RBCK1: variants seen among roughly 807,000 people sequenced by gnomAD.
RBCK1 encodes RANBP2-type and C3HC4-type zinc finger containing 1, also known as ranBP-type and C3HC4-type zinc finger-containing protein 1.
RBCK1 carries 44 observed loss-of-function variants against 71.1 expected under a neutral mutation model. The observed-to-expected ratio is 0.62, with a 90% CI of 0.49 to 0.80. The LOEUF is 0.80. RBCK1 is among the 30% of genes least tolerant of loss of function. The pLI is 0.00. For synonymous variants in RBCK1, 306 were observed against 279.7 expected (o/e 1.09, Z -0.94); for missense variants, 569 against 685.0 (o/e 0.83, Z 1.89).
intron 1 of RBCK1, 127 bp from the exon 2 acceptor site, chr20:409,754 C>T (rs182484272): frequency 2.5e-5 from 36 of 1,414,682 alleles, no homozygotes; most frequent in East Asian, 4.6e-5. Flanking sequence ...CTGAAGGATA[C>T]GTAGGAGTTC....
At chr20:410,785 T>A in intron 2 of RBCK1, 1 of 461,182 alleles carries the variant, frequency 2.2e-6, no homozygotes, top group Non-Finnish European at 3.9e-6. Context: ...GCTTTTTCAT[T>A]ACTGGATAGT....
chr20:413,004 G>C (rs6037593), intron 2 of RBCK1, among the ~76,000 whole-genome samples: 2 of 152,084 alleles, frequency 1.3e-5, no homozygotes, highest in Non-Finnish European at 1.5e-5. Flanking sequence ...TCTTTTGCAC[G>C]TGGATATTGA....
chr20:410,418 C>G, intron 2 of RBCK1: 1 of 779,692 alleles, frequency 1.3e-6, no homozygotes, highest in Non-Finnish European at 2.4e-6. Context: ...CCAGATTCCT[C>G]ATGGTGCAAA....
intron 11 of RBCK1, among the ~76,000 whole-genome samples, 190 bp downstream of exon 11, chr20:429,284 T>C (rs972800728): frequency 6.0e-4 from 91 of 151,420 alleles, no homozygotes; most frequent in Non-Finnish European, 4.9e-4. Flanking sequence ...TGGAGTGCAA[T>C]AGCACAATCT....
chr20:418,480 T>C (rs921921141), intron 4 of RBCK1, among the ~76,000 whole-genome samples: 39 of 152,320 alleles, frequency 2.6e-4, no homozygotes, highest in Admixed American at 1.8e-3. Context: ...GCCATTCTCC[T>C]GCCTCAGCCT....
rs1291254052 is a variant in RBCK1 at position 428,174 on chromosome 20, C to CA, written c.1210-316dup. Among the ~76,000 whole-genome samples, 1 of 152,206 alleles carries CA rather than the reference C, an allele frequency of 6.6e-6. No individual in the cohort carries two copies. The highest frequency in any genetic ancestry group is 1.5e-5 in the Non-Finnish European group (1 of 68,030). Reference sequence around the variant, plus strand: ...GGCCCTTGTTAGGGATGCAGGGTCTCACCCTAGGGGTATAAGGGATTTCTG... The same window carrying CA: ...GGCCCTTGTTAGGGATGCAGGGTCTCAACCCTAGGGGTATAAGGGATTTCTG... On this transcript the variant is annotated intron_variant, in intron 9 of 11. Coordinates refer to ENST00000356286, the MANE Select transcript of RBCK1 (RefSeq NM_031229.4). The surrounding 1 kb of genome is among the most constrained non-coding windows in gnomAD (Gnocchi z 5.7).
At chr20:418,331 G>T (rs971079697) in intron 4 of RBCK1, among the ~76,000 whole-genome samples, 1 of 151,894 alleles carries the variant, frequency 6.6e-6, no homozygotes, top group Admixed American at 6.6e-5. Context: ...AGTACATAAA[G>T]AATTCCCATG....
chr20:422,327 C>CTTTT lies in RBCK1; in HGVS notation c.1029+98_1029+101dup. 1.1e-6 allele frequency: 1 copy of CTTTT among 879,544 alleles called. No individual in the cohort carries two copies. The highest frequency in any genetic ancestry group is 1.7e-6 in the Non-Finnish European group (1 of 583,244). The allele number at this position is 879,544 out of a possible 1,614,324, so 54.5% of individuals were successfully genotyped here. A position where few individuals can be genotyped will look rare whatever the true frequency, so the allele number is the denominator to read the frequency against. ...GGCAGCAGACATCTTTCTTTTCTTT[C>CTTTT]TTTTTTTTTTTTGGAGATGGGGTCT... On this transcript the variant is annotated intron_variant, in intron 8 of 11. Transcript: ENST00000356286. The surrounding 1 kb of genome is among the most constrained non-coding windows in gnomAD (Gnocchi z 5.0).
In RBCK1 at chr20:431,513, T is replaced by C. The variant is rs149212578; in HGVS notation, c.*1083T>C. Reference sequence around the variant, plus strand: ...TCTGTGACCCACCCTCCTTCCCCTTTTGAGATCTGGTATTTGATGCCCAAC... The same window carrying C: ...TCTGTGACCCACCCTCCTTCCCCTTCTGAGATCTGGTATTTGATGCCCAAC... On this transcript the variant is annotated 3_prime_UTR_variant, in exon 12 of 12. Coordinates refer to ENST00000356286, the MANE Select transcript of RBCK1 (RefSeq NM_031229.4). This position sits in a 1 kb window ranked among gnomAD's most constrained non-coding sequence, Gnocchi z 4.8. Among the ~76,000 whole-genome samples the C allele has an allele frequency of 1.5e-4, 23 of 152,296 alleles. No homozygotes were observed. The East Asian group carries it at 4.1e-3, about 27-fold the overall frequency.
intron 8 of RBCK1, among the ~76,000 whole-genome samples, chr20:426,968 G>A (rs958582643): frequency 1.3e-5 from 2 of 151,054 alleles, no homozygotes; most frequent in Non-Finnish European, 2.9e-5. Flanking sequence ...TGGGACTACA[G>A]GTGTGAGCAC....
At position 428,706 on chromosome 20, in the gene RBCK1, C is replaced by T. The variant is rs546060934; in HGVS notation, c.1308+117C>T. The T allele has an allele frequency of 3.7e-6, 5 of 1,352,912 alleles. No homozygotes were observed. The South Asian group carries it at 6.1e-5, about 17-fold the overall frequency. 83.8% of individuals were successfully genotyped at this position (1,352,912 alleles called of 1,614,324 possible). ...ATCCCTGGAGGCTCTGACCTCCCTT[C>T]TGGCTGTCACTCCCATCCGGAGGTG... is the stretch of plus-strand genomic sequence containing the variant. On this transcript the variant is annotated intron_variant, in intron 10 of 11. Transcript: ENST00000356286. The surrounding 1 kb of genome is among the most constrained non-coding windows in gnomAD (Gnocchi z 5.7).
chr20:422,344 A>G lies in RBCK1; in HGVS notation c.1029+106A>G, dbSNP rs1431388846. Reference sequence around the variant, plus strand: ...TTTTCTTTCTTTTTTTTTTTTGGAGATGGGGTCTCACTATGTTGTCCAAGC... The same window carrying G: ...TTTTCTTTCTTTTTTTTTTTTGGAGGTGGGGTCTCACTATGTTGTCCAAGC... On this transcript the variant is annotated intron_variant, in intron 8 of 11. Coordinates refer to ENST00000356286, the MANE Select transcript of RBCK1 (RefSeq NM_031229.4). This position sits in a 1 kb window ranked among gnomAD's most constrained non-coding sequence, Gnocchi z 5.0. The G allele has an allele frequency of 1.1e-6, 1 of 874,142 alleles. No homozygotes were observed. The allele number at this position is 874,142 out of a possible 1,614,324, so 54.1% of individuals were successfully genotyped here. A position where few individuals can be genotyped will look rare whatever the true frequency, so the allele number is the denominator to read the frequency against.
intron 2 of RBCK1, among the ~76,000 whole-genome samples, chr20:412,195 C>A (rs900527580): frequency 4.6e-5 from 7 of 152,192 alleles, no homozygotes; most frequent in African/African-American, 1.7e-4. Context: ...GAAGAGGTAT[C>A]TCACTGTGGT....
chr20:408,653 G>C lies in RBCK1; in HGVS notation c.-105G>C. 2 of 1,488,868 alleles carry C rather than the reference G, an allele frequency of 1.3e-6. No homozygotes were observed. The highest frequency in any genetic ancestry group is 1.2e-5 in the South Asian group (1 of 83,360). The allele number at this position is 1,488,868 out of a possible 1,614,324, so 92.2% of individuals were successfully genotyped here. A position where few individuals can be genotyped will look rare whatever the true frequency, so the allele number is the denominator to read the frequency against. ...CTTGGGCCGCGCCGGAGGCCACACG[G>C]CCTGGCTGAGTTGCTCCTGGTCTCC... On this transcript the variant is annotated 5_prime_UTR_variant, in exon 1 of 12. Transcript: ENST00000356286.
intron 2 of RBCK1, chr20:410,537 C>G (rs764429530): frequency 3.8e-6 from 3 of 779,760 alleles, no homozygotes; most frequent in East Asian, 4.8e-5. Flanking sequence ...ACACTTCTTC[C>G]GTTAATTCCT....
chr20:424,531 A>G (rs1469278900), intron 8 of RBCK1, among the ~76,000 whole-genome samples: 1 of 151,920 alleles, frequency 6.6e-6, no homozygotes, highest in African/African-American at 2.4e-5. Context: ...CCCTGGGGAA[A>G]AGGGGGAGGC....
chr20:429,375 C>T (rs953491554), intron 11 of RBCK1, among the ~76,000 whole-genome samples: 3 of 152,024 alleles, frequency 2.0e-5, no homozygotes, highest in Admixed American at 1.3e-4. Flanking sequence ...TACAGGCATG[C>T]GCCACCACGC....
chr20:428,608 C>G lies in RBCK1; in HGVS notation c.1308+19C>G, dbSNP rs554956050. The G allele has an allele frequency of 1.9e-6, 3 of 1,593,092 alleles. No homozygotes were observed. Among genetic ancestry groups the G allele is most frequent in the Non-Finnish European group, 2.6e-6 (3 of 1,170,354 alleles). ...GCTGAAGGTGAGGCTGGGACAGGGC[C>G]GAGGCCTAGGGATTTTAAGTTCTGG... On this transcript the variant is annotated intron_variant, in intron 10 of 11. Coordinates refer to ENST00000356286, the MANE Select transcript of RBCK1 (RefSeq NM_031229.4). The surrounding 1 kb of genome is among the most constrained non-coding windows in gnomAD (Gnocchi z 5.7).
At chr20:423,485 G>A (rs1011972723) in intron 8 of RBCK1, among the ~76,000 whole-genome samples, 3 of 151,940 alleles carry the variant, frequency 2.0e-5, no homozygotes, top group Admixed American at 6.6e-5. Context: ...ATTCAGCAAC[G>A]GTGGATAGAA....
Sources: gnomAD v4.1 joint callset for allele counts (sites outside exome capture counted in the v4.1 genomes callset) on GRCh38, gnomAD v4.1.1 for gene constraint, Gnocchi (gnomAD v3.1) non-coding constraint, MANE v1.5 for transcripts, NCBI Gene and HGNC (gene_info 2026-07-23, HGNC 2026-07-21) for gene names.